Variants in FRMPD2 observed in about 807,000 individuals in gnomAD.
FRMPD2 encodes FERM and PDZ domain containing 2.
A neutral mutation model predicts 140.1 loss-of-function variants in FRMPD2; 96 were observed. The ratio of observed to expected loss-of-function variants is 0.69; its 90% CI spans 0.58 to 0.81. FRMPD2 has a LOEUF of 0.81. Among genes scored for constraint, FRMPD2 ranks in the 40% least tolerant of loss-of-function variants. The probability of loss-of-function intolerance (pLI) is 0.00; values close to 1 mark genes in which losing one functional copy is unlikely to be tolerated. For missense variants in FRMPD2, 1,240 were observed against 1,447.4 expected (o/e 0.86, Z 2.32); for synonymous variants, 449 against 547.6 (o/e 0.82, Z 2.52).
chr10:48,263,140 C>T (rs1444835751), intron 1 of FRMPD2, among the ~76,000 whole-genome samples: 1 of 151,782 alleles, frequency 6.6e-6, no homozygotes, highest in African/African-American at 2.4e-5. Flanking sequence ...TACAAGTTAC[C>T]AAAATTTGTG....
chr10:48,248,561 G>A (rs1840305233), intron 3 of FRMPD2: 1 of 152,382 alleles, frequency 6.6e-6, no homozygotes, highest in Non-Finnish European at 1.5e-5. Context: ...TATTTAGCTT[G>A]TTTTCAATTT....
intron 3 of FRMPD2, 69 bp from the exon 4 acceptor site, chr10:48,244,918 T>C: frequency 8.5e-7 from 1 of 1,171,672 alleles, no homozygotes; most frequent in Non-Finnish European, 1.3e-6. Flanking sequence ...GCAAGAAAAA[T>C]ACAATCCAAT....
At position 48,223,203 on chromosome 10, in the gene FRMPD2, C is replaced by A. The variant is rs775408314; in HGVS notation, c.1236G>T (p.Glu412Asp). Residue 412 changes from glutamate (E) to aspartate (D), a missense_variant, in exon 11 of 29, where the codon GAG (glutamate) becomes GAT (aspartate). Glu to Asp is a conservative substitution (Grantham distance 45, BLOSUM62 2). Transcript: ENST00000374201. ...TATTCATGGAGGTCTTCTGAGGCTG[C>A]TCTCTCCAGCCTTCAGGAGCTATTT... The part of the protein sequence containing the change: ...LCKIAPEGWR[E>D]QPQKTSMNTF... The A allele has an allele frequency of 6.2e-7, 1 of 1,613,656 alleles. No individual in the cohort carries two copies. Among genetic ancestry groups the A allele is most frequent in the Non-Finnish European group, 8.5e-7 (1 of 1,179,596 alleles).
chr10:48,165,164 C>G (rs1554791136), intron 27 of FRMPD2, among the ~76,000 whole-genome samples: 1,578 of 115,940 alleles, frequency 0.014, 11 homozygotes, highest in East Asian at 0.11. Context: ...CATAATCTTT[C>G]TCTGTGTCCT....
chr10:48,192,552 ACTC>A, intron 16 of FRMPD2, 129 bp downstream of exon 16: 1 of 782,700 alleles, frequency 1.3e-6, no homozygotes, highest in Non-Finnish European at 2.0e-6. Context: ...ACGCCACTGC[ACTC>A]CTCCAGCCTG....
intron 10 of FRMPD2, among the ~76,000 whole-genome samples, chr10:48,225,058 C>A (rs149905962): frequency 6.6e-6 from 1 of 152,102 alleles, no homozygotes; most frequent in Non-Finnish European, 1.5e-5. Context: ...TGAGCTTTTC[C>A]TACTGGAAAT....
intron 1 of FRMPD2, among the ~76,000 whole-genome samples, chr10:48,266,101 A>G (rs1366057245): frequency 6.6e-6 from 1 of 152,206 alleles, no homozygotes; most frequent in Admixed American, 6.5e-5. Flanking sequence ...TATCCTTAGC[A>G]AACTAACACA....
intron 14 of FRMPD2, among the ~76,000 whole-genome samples, chr10:48,204,768 CGT>C (rs1266064503): frequency 6.6e-6 from 1 of 152,126 alleles, no homozygotes; most frequent in Non-Finnish European, 1.5e-5. Flanking sequence ...CCCTAAATAG[CGT>C]GTGTCTGCTT....
At chr10:48,195,459 C>T (rs992035581) in intron 15 of FRMPD2, among the ~76,000 whole-genome samples, 2 of 152,140 alleles carry the variant, frequency 1.3e-5, no homozygotes, top group African/African-American at 4.8e-5. Context: ...AAAGCCACAG[C>T]GAGAAATCAC....
intron 17 of FRMPD2, among the ~76,000 whole-genome samples, chr10:48,186,789 A>G (rs1419286736): frequency 6.6e-6 from 1 of 152,246 alleles, no homozygotes; most frequent in East Asian, 1.9e-4. Context: ...CTCACATTCA[A>G]CAGGGAACTG....
chr10:48,244,711 C>T (rs919308438), intron 4 of FRMPD2, 73 bp downstream of exon 4: 4 of 1,159,846 alleles, frequency 3.4e-6, no homozygotes, highest in Admixed American at 3.4e-5. Context: ...AATGTGGTCC[C>T]TGCCCAGGAG....
intron 3 of FRMPD2, among the ~76,000 whole-genome samples, chr10:48,247,939 G>T (rs1262271163): frequency 6.6e-6 from 1 of 152,154 alleles, no homozygotes; most frequent in African/African-American, 2.4e-5. Flanking sequence ...CAGGATTTCA[G>T]GGGGGAGGGG....
chr10:48,274,453 C>A (rs1478335382), intron 1 of FRMPD2, 90 bp downstream of exon 1: 1 of 1,160,278 alleles, frequency 8.6e-7, no homozygotes, highest in African/African-American at 1.5e-5. Flanking sequence ...CAGCTGTGTT[C>A]TTCTTATTCC....
intron 1 of FRMPD2, among the ~76,000 whole-genome samples, chr10:48,269,610 G>T (rs887634763): frequency 1.8e-4 from 28 of 152,188 alleles, no homozygotes; most frequent in Admixed American, 6.5e-5. Context: ...GCCGTCCGTG[G>T]GTTCCCAGCC....
In FRMPD2 at chr10:48,242,269, C is replaced by G; in HGVS notation, c.459G>C (p.Ser153=). 1.2e-6 allele frequency: 2 copies of G among 1,614,094 alleles called. No individual in the cohort carries two copies. Among genetic ancestry groups the G allele is most frequent in the Non-Finnish European group, 1.7e-6 (2 of 1,180,012 alleles). The part of the protein sequence containing the change: ...DQPHRRCTLQ[S]VLEACRVHEK... ...CATGAACCCGACAAGCTTCCAGAACCGACTGCAACGTGCACCGCCTGTGAG... is the reference window on the plus strand; with the variant it reads ...CATGAACCCGACAAGCTTCCAGAACGGACTGCAACGTGCACCGCCTGTGAG... Residue 153 remains serine (S), a synonymous_variant, in exon 5 of 29, where the codon TCG becomes TCC. Coordinates refer to ENST00000374201, the MANE Select transcript of FRMPD2 (RefSeq NM_001018071.4).
At chr10:48,249,227 G>C in intron 2 of FRMPD2, 49 bp from the exon 3 acceptor site, 1 of 1,591,568 alleles carries the variant, frequency 6.3e-7, no homozygotes, top group South Asian at 1.1e-5. Context: ...TTCCATCTGG[G>C]GTGCCAGCAT....
intron 1 of FRMPD2, among the ~76,000 whole-genome samples, chr10:48,264,016 C>T (rs1446082996): frequency 2.0e-5 from 3 of 152,038 alleles, no homozygotes; most frequent in Non-Finnish European, 4.4e-5. Flanking sequence ...CCACCACTTT[C>T]ATGGACTAAA....
At chr10:48,268,261 A>T (rs573881310) in intron 1 of FRMPD2, among the ~76,000 whole-genome samples, 68 of 152,344 alleles carry the variant, frequency 4.5e-4, no homozygotes, top group South Asian at 2.1e-3. Flanking sequence ...GAGAAACTGG[A>T]TCTCTTCTAA....
chr10:48,198,241 G>A (rs1838997855), intron 15 of FRMPD2, among the ~76,000 whole-genome samples: 1 of 152,054 alleles, frequency 6.6e-6, no homozygotes, highest in Non-Finnish European at 1.5e-5. Flanking sequence ...AACTCCCAAA[G>A]GTAATAACAG....
Sources: gnomAD v4.1 joint callset for allele counts (sites outside exome capture counted in the v4.1 genomes callset) on GRCh38, gnomAD v4.1.1 for gene constraint, MANE v1.5 for transcripts, NCBI Gene and HGNC (gene_info 2026-07-23, HGNC 2026-07-21) for gene names.